The following CACNA2D2 variants were observed in gnomAD, a reference collection of about 807,000 sequenced individuals.
CACNA2D2 encodes calcium voltage-gated channel auxiliary subunit alpha2delta 2, also known as voltage-dependent calcium channel subunit alpha-2/delta-2.
CACNA2D2 carries 48 observed loss-of-function variants against 166.4 expected under a neutral mutation model. That is an observed-to-expected ratio of 0.29 (90% CI 0.23 to 0.37). The LOEUF (loss-of-function observed/expected upper bound fraction) is 0.37, where lower values mean the gene tolerates loss of function less well. CACNA2D2 is among the 10% of genes least tolerant of loss of function. The probability of loss-of-function intolerance (pLI) is 1.00; values close to 1 mark genes in which losing one functional copy is unlikely to be tolerated. For missense variants in CACNA2D2, 1,122 were observed against 1,433.0 expected (o/e 0.78, Z 3.50); for synonymous variants, 561 against 573.7 (o/e 0.98, Z 0.32).
Position 50,367,549 on chromosome 3 carries a change from A to G in CACNA2D2, c.2298-52T>C, listed in dbSNP as rs1344353577. ...AGGTAAGGGGTGGCTTGTCGGGGAC[A>G]GTGGTCTCCACAGATGCAAGGAGGC... On this transcript the variant is annotated intron_variant, in intron 26 of 37. Coordinates refer to ENST00000424201, the MANE Select transcript of CACNA2D2 (RefSeq NM_006030.4). The surrounding 1 kb of genome is among the most constrained non-coding windows in gnomAD (Gnocchi z 6.5). 3.7e-6 allele frequency: 6 copies of G among 1,607,486 alleles called. No individual in the cohort carries two copies. The highest frequency in any genetic ancestry group is 1.3e-5 in the African/African-American group (1 of 74,918).
intron 2 of CACNA2D2, among the ~76,000 whole-genome samples, chr3:50,457,174 C>T (rs1575718169): frequency 6.6e-6 from 1 of 152,146 alleles, no homozygotes; most frequent in Non-Finnish European, 1.5e-5. Flanking sequence ...TGCTTGAACT[C>T]GGGAGGCGGA....
intron 1 of CACNA2D2, among the ~76,000 whole-genome samples, chr3:50,480,015 C>T (rs1051546001): frequency 7.9e-5 from 12 of 152,188 alleles, no homozygotes; most frequent in African/African-American, 2.9e-4. Context: ...GGCTTAATGA[C>T]TGGTGTGGGC....
chr3:50,486,351 G>C (rs939514968), intron 1 of CACNA2D2, among the ~76,000 whole-genome samples: 3 of 152,126 alleles, frequency 2.0e-5, no homozygotes, highest in East Asian at 1.9e-4. Context: ...CAACCATTCT[G>C]GTCAGATTCT....
At chr3:50,476,925 TTTTC>T (rs1697804107) in intron 1 of CACNA2D2, among the ~76,000 whole-genome samples, 2 of 151,176 alleles carry the variant, frequency 1.3e-5, no homozygotes, top group Non-Finnish European at 1.5e-5. Context: ...CTTTGTTTCT[TTTTC>T]TTTTTTTTTT....
intron 6 of CACNA2D2, among the ~76,000 whole-genome samples, chr3:50,381,460 A>G (rs587604616): frequency 6.6e-6 from 1 of 152,224 alleles, no homozygotes; most frequent in African/African-American, 2.4e-5. Context: ...TCAGTCCAGC[A>G]TGCTGCCTGG....
chr3:50,381,929 C>T (rs1236856138), intron 6 of CACNA2D2, among the ~76,000 whole-genome samples: 1 of 151,654 alleles, frequency 6.6e-6, no homozygotes, highest in Non-Finnish European at 1.5e-5. Flanking sequence ...ATTCTCCCTT[C>T]CCCCCAACCC....
At position 50,367,466 on chromosome 3, in the gene CACNA2D2, G is replaced by A; in HGVS notation, c.2329C>T (p.Pro777Ser). ...AAEDWTENPEPFNASFYRRSL... is the reference protein window; with the variant it reads ...AAEDWTENPESFNASFYRRSL... The stretch of plus-strand genomic sequence containing the variant: ...CGGCGGTAGAAGCTGGCATTGAAGG[G>A]CTCAGGGTTCTCTGTCCAGTCCTCA... The change falls in exon 27 of 38, where the codon CCC becomes TCC. Residue 777 changes from proline to serine, a missense_variant. This residue lies in a region of CACNA2D2 where 840 missense variants were observed against 1,166.8 expected (regional missense o/e 0.72). Transcript: ENST00000424201. The surrounding 1 kb of genome is among the most constrained non-coding windows in gnomAD (Gnocchi z 6.5). 6.2e-7 allele frequency: 1 copy of A among 1,613,978 alleles called. No individual in the cohort carries two copies. Among genetic ancestry groups the A allele is most frequent in the Non-Finnish European group, 8.5e-7 (1 of 1,180,010 alleles).
intron 3 of CACNA2D2, among the ~76,000 whole-genome samples, chr3:50,411,680 T>C (rs542164227): frequency 6.6e-6 from 1 of 152,312 alleles, no homozygotes; most frequent in Non-Finnish European, 1.5e-5. Flanking sequence ...GTGCTCCAAG[T>C]CCACAAACCT....
chr3:50,419,064 A>C (rs1707418440), intron 3 of CACNA2D2, among the ~76,000 whole-genome samples: 1 of 152,094 alleles, frequency 6.6e-6, no homozygotes, highest in African/African-American at 2.4e-5. Context: ...CTGGTGACTC[A>C]ATCCCTATTT....
At chr3:50,417,801 C>G (rs1707333309) in intron 3 of CACNA2D2, among the ~76,000 whole-genome samples, 6 of 152,172 alleles carry the variant, frequency 3.9e-5, no homozygotes, top group Admixed American at 3.3e-4. Flanking sequence ...TACTTTGCTT[C>G]CTGCCTGGCC....
rs587719782 is a variant in CACNA2D2, at chr3:50,369,050, T to C, written c.2046-815A>G. Among the ~76,000 whole-genome samples the C allele has an allele frequency of 2.6e-5, 4 of 152,346 alleles. No homozygotes were observed. The South Asian group carries it at 8.3e-4, about 32-fold the overall frequency. The stretch of plus-strand genomic sequence containing the variant: ...CCACTTCCCCAAGCTGTGGTAGGGC[T>C]CATGGCTTGGTAAGGGCACATGGAA... On this transcript the variant is annotated intron_variant, in intron 23 of 37. Coordinates refer to ENST00000424201, the MANE Select transcript of CACNA2D2 (RefSeq NM_006030.4).
chr3:50,385,821 G>A (rs1258200902), intron 5 of CACNA2D2, among the ~76,000 whole-genome samples: 1 of 152,240 alleles, frequency 6.6e-6, no homozygotes, highest in Non-Finnish European at 1.5e-5. Flanking sequence ...AGAGGAGGGG[G>A]AGGCGCGGGA....
chr3:50,487,494 T>TA (rs2107142513), intron 1 of CACNA2D2, among the ~76,000 whole-genome samples: 1 of 152,264 alleles, frequency 6.6e-6, no homozygotes, highest in Non-Finnish European at 1.5e-5. Context: ...CCTGGACCCT[T>TA]AGAGTGCGCC....
chr3:50,381,228 A>G, intron 6 of CACNA2D2, 102 bp from the exon 7 acceptor site: 1 of 1,396,020 alleles, frequency 7.2e-7, no homozygotes, highest in South Asian at 1.3e-5. Context: ...GAATCCCCCA[A>G]CTGTTCTCGG....
At chr3:50,445,618 C>T (rs1208343490) in intron 2 of CACNA2D2, among the ~76,000 whole-genome samples, 1 of 152,190 alleles carries the variant, frequency 6.6e-6, no homozygotes, top group East Asian at 1.9e-4. Context: ...GACCAAGACA[C>T]TAAGGCTGTG....
chr3:50,486,088 G>A (rs1047907323), intron 1 of CACNA2D2, among the ~76,000 whole-genome samples: 3 of 152,144 alleles, frequency 2.0e-5, no homozygotes, highest in Admixed American at 6.5e-5. Flanking sequence ...TTTCACAAAC[G>A]GGTAAGCTGA....
intron 1 of CACNA2D2, among the ~76,000 whole-genome samples, chr3:50,493,530 G>T (rs1014749399): frequency 6.6e-6 from 1 of 152,194 alleles, no homozygotes; most frequent in Non-Finnish European, 1.5e-5. Flanking sequence ...CCAAAAGCGA[G>T]GCCACCAGGC....
At chr3:50,409,913 T>C (rs916531852) in intron 3 of CACNA2D2, among the ~76,000 whole-genome samples, 21 of 152,208 alleles carry the variant, frequency 1.4e-4, no homozygotes, top group Non-Finnish European at 2.4e-4. Flanking sequence ...CTCCACGATC[T>C]CAGGGCACTT....
rs767054016 is a variant in CACNA2D2, at chr3:50,375,751, G to A, written c.1846-46C>T. The A allele has an allele frequency of 1.9e-6, 3 of 1,612,910 alleles. No homozygotes were observed. The highest frequency in any genetic ancestry group is 2.5e-6 in the Non-Finnish European group (3 of 1,179,870). On this transcript the variant is annotated intron_variant, in intron 20 of 37. Transcript: ENST00000424201. This position sits in a 1 kb window ranked among gnomAD's most constrained non-coding sequence, Gnocchi z 4.0. The stretch of plus-strand genomic sequence containing the variant: ...AGGTACTTGGGCTAGCAGGCAGGGG[G>A]CGCTGGGGTAGAAGGGTGCCCACCC...
Sources: allele counts gnomAD v4.1 joint callset (sites outside exome capture counted in the v4.1 genomes callset), GRCh38; gene constraint gnomAD v4.1.1; regional missense constraint gnomAD v4.1.1; non-coding constraint Gnocchi (gnomAD v3.1); transcripts MANE v1.5; gene names NCBI Gene and HGNC (gene_info 2026-07-23, HGNC 2026-07-21).